Variants in PTPRO observed in about 807,000 individuals in gnomAD.
PTPRO encodes the protein protein tyrosine phosphatase receptor type O.
Under a neutral mutation model 145.2 loss-of-function variants are expected in PTPRO, and 62 were observed. The observed-to-expected ratio is 0.43, with a 90% confidence interval of 0.35 to 0.53. PTPRO has a LOEUF of 0.53. Ranked by LOEUF, PTPRO falls within the 20% of genes least tolerant of loss-of-function variation. The probability of loss-of-function intolerance (pLI) is 0.01; values close to 1 mark genes in which losing one functional copy is unlikely to be tolerated. For missense variants in PTPRO, 1,345 were observed against 1,482.7 expected (o/e 0.91, Z 1.53); for synonymous variants, 565 against 514.7 (o/e 1.10, Z -1.32).
At position 15,391,195 on chromosome 12, in the gene PTPRO, T is replaced by C. The variant is rs567460776; in HGVS notation, c.75+68394T>C. Reference sequence around the variant, plus strand: ...CAGCCCATCCCTTGCACCATTCAGATCCAAAATGCCTTTTATAAAGTGCAA... The same window carrying C: ...CAGCCCATCCCTTGCACCATTCAGACCCAAAATGCCTTTTATAAAGTGCAA... On this transcript the variant is annotated intron_variant, in intron 1 of 26. Coordinates refer to ENST00000281171, the MANE Select transcript of PTPRO (RefSeq NM_030667.3). 2.0e-5 allele frequency among the ~76,000 whole-genome samples: 3 copies of C among 152,286 alleles called. No individual in the cohort carries two copies. The East Asian group carries it at 5.8e-4, about 29-fold the overall frequency.
chr12:15,512,099 G>GTT lies in PTPRO; in HGVS notation c.1464+3338_1464+3339dup, dbSNP rs35805298. Among the ~76,000 whole-genome samples, 774 of 150,960 alleles carry GTT rather than the reference G, an allele frequency of 5.1e-3. 4 individuals are homozygous for GTT. Among genetic ancestry groups the GTT allele is most frequent in the African/African-American group, 0.016 (667 of 41,262 alleles). ...ATGTGTTAAGTTTAAATGGAGCAAT[G>GTT]TTTTTTTGTTTGTTTGTTTTTGGGG... On this transcript the variant is annotated intron_variant, in intron 7 of 26. Coordinates refer to ENST00000281171, the MANE Select transcript of PTPRO (RefSeq NM_030667.3).
Position 15,322,933 on chromosome 12 carries a change from G to C in PTPRO, c.75+132G>C. ...AGCCGCGGGAAGCGCCTGCCGTGCA[G>C]CCTGGGCGCACGCTTTGTTGTCCTC... On this transcript the variant is annotated intron_variant, in intron 1 of 26. Transcript: ENST00000281171. This position sits in a 1 kb window ranked among gnomAD's most constrained non-coding sequence, Gnocchi z 6.3. 2.4e-6 allele frequency: 2 copies of C among 840,302 alleles called. No individual in the cohort carries two copies. The highest frequency in any genetic ancestry group is 3.7e-6 in the Non-Finnish European group (2 of 546,546). The allele number at this position is 840,302 out of a possible 1,614,324, so 52.1% of individuals were successfully genotyped here. A position where few individuals can be genotyped will look rare whatever the true frequency, so the allele number is the denominator to read the frequency against.
At chr12:15,498,840 T>C (rs1942160790) in intron 3 of PTPRO, among the ~76,000 whole-genome samples, 1 of 152,188 alleles carries the variant, frequency 6.6e-6, no homozygotes, top group Non-Finnish European at 1.5e-5. Flanking sequence ...TTTCAAACTA[T>C]TTTTAGATTT....
chr12:15,563,174 A>G (rs775994862), intron 17 of PTPRO, among the ~76,000 whole-genome samples: 53 of 152,192 alleles, frequency 3.5e-4, no homozygotes, highest in Non-Finnish European at 6.8e-4. Flanking sequence ...TATAAGTGAA[A>G]GAGAAAAAAC....
intron 12 of PTPRO, among the ~76,000 whole-genome samples, chr12:15,539,588 C>T (rs997088463): frequency 1.3e-5 from 2 of 151,458 alleles, no homozygotes; most frequent in African/African-American, 4.8e-5. Flanking sequence ...ATGGTGAAAC[C>T]CTGTTTCTAC....
intron 1 of PTPRO, among the ~76,000 whole-genome samples, chr12:15,438,427 A>T (rs976984260): frequency 2.0e-5 from 3 of 152,140 alleles, no homozygotes; most frequent in African/African-American, 7.2e-5. Context: ...GCTCATTCAG[A>T]TCCAAGACAA....
Position 15,406,375 on chromosome 12 carries a change from G to A in PTPRO, c.76-77599G>A, listed in dbSNP as rs576260198. Among the ~76,000 whole-genome samples, 9 of 152,228 alleles carry A rather than the reference G, an allele frequency of 5.9e-5. 1 individual carries two copies. The South Asian group carries it at 6.2e-4, about 11-fold the overall frequency. On this transcript the variant is annotated intron_variant, in intron 1 of 26. Transcript: ENST00000281171. ...AGCCATGAAACTTTAAATGAAATTC[G>A]TGTTTCTGGAGCAGCCAAATCAATC...
At chr12:15,352,210 C>A (rs1937825970) in intron 1 of PTPRO, among the ~76,000 whole-genome samples, 1 of 152,144 alleles carries the variant, frequency 6.6e-6, no homozygotes, top group Non-Finnish European at 1.5e-5. Context: ...ACTTGACCAG[C>A]CATCATTACA....
At position 15,501,805 on chromosome 12, in the gene PTPRO, T is replaced by G; in HGVS notation, c.847T>G (p.Trp283Gly). 1 of 1,614,140 alleles carries G rather than the reference T, an allele frequency of 6.2e-7. No individual in the cohort carries two copies. Among genetic ancestry groups the G allele is most frequent in the Non-Finnish European group, 8.5e-7 (1 of 1,180,018 alleles). Residue 283 changes from tryptophan to glycine, a missense_variant, in exon 5 of 27, where the codon TGG (tryptophan) becomes GGG (glycine). This residue lies in a region of PTPRO where 1,130 missense variants were observed against 1,214.7 expected (regional missense o/e 0.93). Coordinates refer to ENST00000281171, the MANE Select transcript of PTPRO (RefSeq NM_030667.3). The stretch of plus-strand genomic sequence containing the variant: ...TCCCTCGGGCAACATTTCTTCCGGT[T>G]GGCCTGATTTTAATAGCAGTGACTA... ...EIPSGNISSG[W>G]PDFNSSDYET...
intron 1 of PTPRO, among the ~76,000 whole-genome samples, chr12:15,473,768 C>CAAAAAAAAAAAAAAAAAAAAA (rs11340085): frequency 7.6e-5 from 5 of 65,570 alleles, no homozygotes; most frequent in African/African-American, 3.0e-4. Context: ...GACTCCATCT[C>CAAAAAAAAAAAAAAAAAAAAA]AAAAAAAAAA....
At chr12:15,417,457 G>C (rs1940013437) in intron 1 of PTPRO, among the ~76,000 whole-genome samples, 1 of 151,664 alleles carries the variant, frequency 6.6e-6, no homozygotes, top group Admixed American at 6.6e-5. Flanking sequence ...TAGCAAAAGA[G>C]TATATTGAGA....
At chr12:15,490,665 C>G (rs1941982681) in intron 2 of PTPRO, among the ~76,000 whole-genome samples, 1 of 152,086 alleles carries the variant, frequency 6.6e-6, no homozygotes, top group South Asian at 2.1e-4. Flanking sequence ...AGAGTGCCTA[C>G]TTGGTGGGGG....
chr12:15,575,779 C>G (rs1217688262), intron 19 of PTPRO, among the ~76,000 whole-genome samples: 1 of 152,200 alleles, frequency 6.6e-6, no homozygotes, highest in Non-Finnish European at 1.5e-5. Context: ...CCACACTCCC[C>G]CTGAAGACTC....
At chr12:15,477,008 C>T (rs1400239500) in intron 1 of PTPRO, among the ~76,000 whole-genome samples, 15 of 50,540 alleles carry the variant, frequency 3.0e-4, no homozygotes, top group African/African-American at 9.8e-4. Flanking sequence ...TGGGTATATA[C>T]CCAAAGGACT....
chr12:15,458,733 C>G (rs1941236592), intron 1 of PTPRO, among the ~76,000 whole-genome samples: 1 of 151,712 alleles, frequency 6.6e-6, no homozygotes, highest in African/African-American at 2.4e-5. Context: ...TGTTGAAATT[C>G]TCACTTTGTT....
At chr12:15,465,441 G>A (rs995908215) in intron 1 of PTPRO, among the ~76,000 whole-genome samples, 26 of 152,054 alleles carry the variant, frequency 1.7e-4, no homozygotes, top group Non-Finnish European at 8.8e-5. Context: ...ACCTAACTTG[G>A]GGACAGAAGA....
intron 25 of PTPRO, among the ~76,000 whole-genome samples, chr12:15,594,514 C>T (rs544843096): frequency 6.6e-6 from 1 of 151,438 alleles, no homozygotes; most frequent in African/African-American, 2.4e-5. Flanking sequence ...CACACACACA[C>T]AAATATATAT....
chr12:15,400,222 C>T (rs1435889333), intron 1 of PTPRO, among the ~76,000 whole-genome samples: 1 of 151,728 alleles, frequency 6.6e-6, no homozygotes, highest in African/African-American at 2.4e-5. Context: ...AACTCCTGAC[C>T]TCAGGTGATC....
intron 7 of PTPRO, among the ~76,000 whole-genome samples, chr12:15,514,722 C>G (rs553328895): frequency 6.6e-6 from 1 of 151,808 alleles, no homozygotes; most frequent in Non-Finnish European, 1.5e-5. Context: ...TAGGTAATCT[C>G]TAAGGTCATT....
Sources: allele counts gnomAD v4.1 joint callset (sites outside exome capture counted in the v4.1 genomes callset), GRCh38; gene constraint gnomAD v4.1.1; regional missense constraint gnomAD v4.1.1; non-coding constraint Gnocchi (gnomAD v3.1); transcripts MANE v1.5; gene names NCBI Gene and HGNC (gene_info 2026-07-23, HGNC 2026-07-21).